Variants in CDH17 observed in about 807,000 individuals in gnomAD.
CDH17 encodes cadherin-17.
A neutral mutation model predicts 86.3 loss-of-function variants in CDH17; 67 were observed. The observed-to-expected ratio is 0.78, with a 90% confidence interval of 0.64 to 0.95. The LOEUF is 0.95. CDH17 is among the 40% of genes least tolerant of loss of function. The probability of loss-of-function intolerance (pLI) is 0.00; values close to 1 mark genes in which losing one functional copy is unlikely to be tolerated. For missense variants in CDH17, 993 were observed against 1,017.6 expected, an observed-to-expected ratio of 0.98 and a Z score of 0.33; for synonymous variants, 367 against 366.4, an observed-to-expected ratio of 1.00 and a Z score of -0.02.
At chr8:94,210,511 T>G (rs536502485), upstream of CDH17, among the ~76,000 whole-genome samples, 2 of 152,328 alleles carry the variant, frequency 1.3e-5, no homozygotes, top group African/African-American at 4.8e-5. Context: ...TGTTCATATA[T>G]TCCTTACATG....
intron 15 of CDH17, among the ~76,000 whole-genome samples, chr8:94,132,198 T>C (rs1044139006): frequency 6.6e-6 from 1 of 152,302 alleles, no homozygotes; most frequent in Admixed American, 6.5e-5. Context: ...TACCCAGTAA[T>C]GGAATTGCTG....
At chr8:94,200,707 G>A (rs1046355361) in intron 1 of CDH17, among the ~76,000 whole-genome samples, 3 of 151,784 alleles carry the variant, frequency 2.0e-5, no homozygotes, top group Non-Finnish European at 4.4e-5. Flanking sequence ...GGGCTGCTGG[G>A]CTTGCTCTGC....
At chr8:94,165,643 A>G (rs1333882823) in intron 10 of CDH17, 118 bp downstream of exon 10, 2 of 737,410 alleles carry the variant, frequency 2.7e-6, no homozygotes, top group Non-Finnish European at 4.8e-6. Context: ...TCACAAAGGA[A>G]GCAAAGAATG....
Position 94,145,991 on chromosome 8 carries a change from G to T in CDH17, c.2104C>A (p.His702Asn). Residue 702 changes from histidine to asparagine, a missense_variant, in exon 15 of 18, where the codon CAT becomes AAT. His to Asn is a moderately conservative substitution (Grantham distance 68, BLOSUM62 1). Transcript: ENST00000027335. Reference sequence around the variant, plus strand: ...CCACTGCCGAGGGAAAATGTAAAATGGGGACCCCGAAATAAGTGCTGATCA... The same window carrying T: ...CCACTGCCGAGGGAAAATGTAAAATTGGGACCCCGAAATAAGTGCTGATCA... ...DDDQHLFRGPHFTFSLGSGSL... is the reference protein window; with the variant it reads ...DDDQHLFRGPNFTFSLGSGSL... The T allele has an allele frequency of 6.2e-7, 1 of 1,613,754 alleles. No individual in the cohort carries two copies. The highest frequency in any genetic ancestry group is 8.5e-7 in the Non-Finnish European group (1 of 1,179,854).
chr8:94,204,762 G>C (rs6991915), intron 1 of CDH17, among the ~76,000 whole-genome samples: 10,562 of 152,178 alleles, frequency 0.069, 1,230 homozygotes, highest in African/African-American at 0.24. Flanking sequence ...GTTGGCGTTT[G>C]TTCCCCCAGT....
At chr8:94,130,323 G>A (rs1812387189) in intron 17 of CDH17, among the ~76,000 whole-genome samples, 2 of 152,198 alleles carry the variant, frequency 1.3e-5, no homozygotes, top group African/African-American at 4.8e-5. Context: ...ACATGGCACA[G>A]CTACTGCATT....
intron 3 of CDH17, among the ~76,000 whole-genome samples, chr8:94,178,558 A>T (rs1813417777): frequency 6.6e-6 from 1 of 151,608 alleles, no homozygotes. Flanking sequence ...AAGATTGAAA[A>T]CTCCTAAATG....
At chr8:94,141,743 G>A (rs908869310) in intron 15 of CDH17, among the ~76,000 whole-genome samples, 1 of 152,080 alleles carries the variant, frequency 6.6e-6, no homozygotes, top group African/African-American at 2.4e-5. Context: ...CTAAATAAAT[G>A]GAGACATATA....
At chr8:94,201,672 T>A (rs1433781917) in intron 1 of CDH17, among the ~76,000 whole-genome samples, 1 of 152,182 alleles carries the variant, frequency 6.6e-6, no homozygotes, top group Non-Finnish European at 1.5e-5. Context: ...TGGTATTTTG[T>A]TAAGGCAGCC....
chr8:94,127,734 AC>A lies in CDH17; in HGVS notation c.*505del, dbSNP rs1812329409. On this transcript the variant is annotated 3_prime_UTR_variant, in exon 18 of 18. Coordinates refer to ENST00000027335, the MANE Select transcript of CDH17 (RefSeq NM_004063.4). Reference sequence around the variant, plus strand: ...CTGTCTTGCCCCAAAAGGGAAAAACACAAGTAGCTAAGCCATTTGCAGAGAG... The same window carrying A: ...CTGTCTTGCCCCAAAAGGGAAAAACAAAGTAGCTAAGCCATTTGCAGAGAG... 1 of 153,216 alleles carries A rather than the reference AC, an allele frequency of 6.5e-6. No individual in the cohort carries two copies. Among genetic ancestry groups the A allele is most frequent in the Non-Finnish European group, 1.5e-5 (1 of 68,784 alleles). 9.5% of individuals were successfully genotyped at this position (153,216 alleles called of 1,614,324 possible).
chr8:94,198,838 C>T (rs1280757544), intron 1 of CDH17, among the ~76,000 whole-genome samples: 2 of 151,990 alleles, frequency 1.3e-5, no homozygotes, highest in Non-Finnish European at 2.9e-5. Flanking sequence ...CACATCTTAC[C>T]ATCTAAGTTC....
chr8:94,139,667 CTGGGG>C (rs1469653882), intron 15 of CDH17, among the ~76,000 whole-genome samples: 19 of 152,124 alleles, frequency 1.2e-4, no homozygotes, highest in Non-Finnish European at 2.6e-4. Context: ...CTTTGGGAGG[CTGGGG>C]CAGGCAGATT....
intron 1 of CDH17, among the ~76,000 whole-genome samples, chr8:94,195,972 C>T (rs576536380): frequency 6.6e-6 from 1 of 151,898 alleles, no homozygotes; most frequent in South Asian, 2.1e-4. Context: ...GTGTTAGCCA[C>T]GATGGTCTCA....
At chr8:94,199,037 TGATA>T (rs1287397046) in intron 1 of CDH17, among the ~76,000 whole-genome samples, 4 of 84,402 alleles carry the variant, frequency 4.7e-5, no homozygotes, top group South Asian at 8.9e-4. Flanking sequence ...CAGTTCTGAT[TGATA>T]TATATATATA....
rs1195745705 is a variant in CDH17 at position 94,174,886 on chromosome 8, A to G, written c.425-626T>C. On this transcript the variant is annotated intron_variant, in intron 5 of 17. Transcript: ENST00000027335. Reference sequence around the variant, plus strand: ...ACTATTTTTGTCTTTAAAATCAATTATTTTTCATTAAAACATGTTGATTAG... The same window carrying G: ...ACTATTTTTGTCTTTAAAATCAATTGTTTTTCATTAAAACATGTTGATTAG... Among the ~76,000 whole-genome samples, 3 of 152,180 alleles carry G rather than the reference A, an allele frequency of 2.0e-5. 1 individual carries two copies. The South Asian group carries it at 6.2e-4, about 31-fold the overall frequency.
At chr8:94,148,615 C>A in intron 14 of CDH17, 129 bp downstream of exon 14, 6 of 586,646 alleles carry the variant, frequency 1.0e-5, no homozygotes, top group South Asian at 2.8e-5. Context: ...TCTCATCCTT[C>A]CACTTTAAGG....
At chr8:94,200,552 T>G (rs150911149) in intron 1 of CDH17, among the ~76,000 whole-genome samples, 4,523 of 142,532 alleles carry the variant, frequency 0.032, 228 homozygotes, top group Middle Eastern at 0.045. Flanking sequence ...TTTTTTTTTT[T>G]TTTTTTTTTT....
intron 10 of CDH17, 149 bp from the exon 11 acceptor site, chr8:94,162,311 C>T: frequency 1.6e-6 from 1 of 620,050 alleles, no homozygotes; most frequent in Non-Finnish European, 2.9e-6. Context: ...AGTGGGCTCT[C>T]TGTTTCCCAC....
intron 7 of CDH17, among the ~76,000 whole-genome samples, chr8:94,172,441 TA>T (rs960192812): frequency 6.0e-5 from 9 of 151,176 alleles, no homozygotes; most frequent in East Asian, 1.9e-4. Flanking sequence ...ATAGTAGCAT[TA>T]AAAAAAAATT....
Sources: allele counts gnomAD v4.1 joint callset (sites outside exome capture counted in the v4.1 genomes callset), GRCh38; gene constraint gnomAD v4.1.1; transcripts MANE v1.5; gene names NCBI Gene and HGNC (gene_info 2026-07-23, HGNC 2026-07-21).